AGBL4: variants seen among roughly 807,000 people sequenced by gnomAD.
AGBL4 encodes AGBL carboxypeptidase 4.
AGBL4 carries 58 observed loss-of-function variants against 66.4 expected under a neutral mutation model. That is an observed-to-expected ratio of 0.87 (90% CI 0.71 to 1.09). The LOEUF is 1.09. Ranked by LOEUF, AGBL4 falls within the 50% of genes least tolerant of loss-of-function variation. The pLI, the probability that AGBL4 is intolerant of heterozygous loss-of-function variation, is 0.00. For missense variants in AGBL4, 579 were observed against 631.0 expected (o/e 0.92, Z 0.88); for synonymous variants, 234 against 222.9 (o/e 1.05, Z -0.44).
intron 3 of AGBL4, among the ~76,000 whole-genome samples, chr1:49,280,952 A>G (rs187719306): frequency 6.6e-6 from 1 of 152,356 alleles, no homozygotes; most frequent in East Asian, 1.9e-4. Flanking sequence ...GTAAGAAAAT[A>G]GAATGGGAAA....
chr1:49,255,669 T>G (rs1339828531), intron 3 of AGBL4, among the ~76,000 whole-genome samples: 1 of 152,114 alleles, frequency 6.6e-6, no homozygotes, highest in Non-Finnish European at 1.5e-5. Flanking sequence ...TGGGTATATA[T>G]TCAAAGGAAT....
intron 5 of AGBL4, among the ~76,000 whole-genome samples, chr1:48,998,548 C>T (rs1244450591): frequency 1.3e-5 from 2 of 152,174 alleles, no homozygotes; most frequent in African/African-American, 4.8e-5. Context: ...AGGTGAAGTG[C>T]ACCATTTCAG....
chr1:49,757,942 G>C (rs1264311005), intron 2 of AGBL4, among the ~76,000 whole-genome samples: 1 of 152,140 alleles, frequency 6.6e-6, no homozygotes, highest in Non-Finnish European at 1.5e-5. Context: ...CGTCTCCAGG[G>C]CATGTCAGAG....
chr1:48,661,750 C>T (rs1037529728), intron 7 of AGBL4, among the ~76,000 whole-genome samples: 1 of 152,134 alleles, frequency 6.6e-6, no homozygotes, highest in African/African-American at 2.4e-5. Context: ...TTTGGGCTCC[C>T]AGAGATGAAC....
intron 8 of AGBL4, among the ~76,000 whole-genome samples, chr1:48,640,772 T>C (rs1645741915): frequency 6.6e-6 from 1 of 152,218 alleles, no homozygotes; most frequent in African/African-American, 2.4e-5. Flanking sequence ...CTGATCTTCC[T>C]ATCCTGTTCT....
At chr1:49,887,608 A>T (rs915829624) in intron 1 of AGBL4, among the ~76,000 whole-genome samples, 4 of 152,160 alleles carry the variant, frequency 2.6e-5, no homozygotes, top group Non-Finnish European at 5.9e-5. Context: ...GCTTTGTACA[A>T]TAGAAAGACC....
At chr1:49,041,019 T>C (rs759431454) in intron 5 of AGBL4, among the ~76,000 whole-genome samples, 1 of 152,110 alleles carries the variant, frequency 6.6e-6, no homozygotes, top group Non-Finnish European at 1.5e-5. Context: ...TTTAAATACA[T>C]GTTCAAAGGG....
chr1:49,143,284 C>G (rs1646153549), intron 4 of AGBL4, among the ~76,000 whole-genome samples: 1 of 152,166 alleles, frequency 6.6e-6, no homozygotes, highest in African/African-American at 2.4e-5. Flanking sequence ...GAATGGCCTT[C>G]CTGCTCCTGA....
At chr1:49,909,998 C>T (rs1162574500) in intron 1 of AGBL4, among the ~76,000 whole-genome samples, 1 of 152,060 alleles carries the variant, frequency 6.6e-6, no homozygotes, top group East Asian at 1.9e-4. Flanking sequence ...GAGTTTCATA[C>T]ACAAGTATGG....
At chr1:49,029,367 G>C (rs1227124241) in intron 5 of AGBL4, among the ~76,000 whole-genome samples, 1 of 152,054 alleles carries the variant, frequency 6.6e-6, no homozygotes, top group Non-Finnish European at 1.5e-5. Flanking sequence ...AAAGGTTGCA[G>C]AATGAAAATG....
intron 3 of AGBL4, among the ~76,000 whole-genome samples, chr1:49,469,182 T>C (rs543479210): frequency 6.6e-6 from 1 of 152,004 alleles, no homozygotes; most frequent in Admixed American, 6.6e-5. Context: ...CTTGCAAAAA[T>C]ACATATGTTA....
intron 6 of AGBL4, among the ~76,000 whole-genome samples, chr1:48,684,909 G>A (rs989413030): frequency 6.6e-6 from 1 of 152,202 alleles, no homozygotes; most frequent in Non-Finnish European, 1.5e-5. Context: ...GAAAGAAACA[G>A]GTAATCAGAG....
At chr1:49,705,833 T>C (rs1456823015) in intron 2 of AGBL4, among the ~76,000 whole-genome samples, 1 of 152,178 alleles carries the variant, frequency 6.6e-6, no homozygotes, top group African/African-American at 2.4e-5. Context: ...TCTGTTTATG[T>C]GATGGATTAT....
chr1:49,302,559 TTTTATTTTATTTTATTTTTA>T (rs925279709), intron 3 of AGBL4, among the ~76,000 whole-genome samples: 6 of 149,710 alleles, frequency 4.0e-5, no homozygotes, highest in African/African-American at 1.5e-4. Context: ...CCAGCCCACA[TTTTATTTTATTTTATTTTTA>T]TTTATTTTAT....
rs150428646 is a variant in AGBL4, at chr1:48,929,624, C to A, written c.595-62394G>T. On this transcript the variant is annotated intron_variant, in intron 5 of 13. Coordinates refer to ENST00000371839, the MANE Select transcript of AGBL4 (RefSeq NM_032785.4). ...TCTTAACTATAAACTCCATTGAAGG[C>A]AGAGATCATGTGTTTCCTCGTCACT... Among the ~76,000 whole-genome samples the A allele has an allele frequency of 2.2e-3, 328 of 152,236 alleles. 1 individual carries two copies. Among genetic ancestry groups the A allele is most frequent in the Non-Finnish European group, 3.2e-3 (221 of 68,006 alleles).
At chr1:49,832,411 C>G (rs61785463) in intron 2 of AGBL4, among the ~76,000 whole-genome samples, 2,699 of 147,068 alleles carry the variant, frequency 0.018, 23 homozygotes, top group Middle Eastern at 0.071. Flanking sequence ...GGACATTTGG[C>G]TTGGTTCCAA....
At chr1:49,082,728 C>A (rs568957506) in intron 4 of AGBL4, among the ~76,000 whole-genome samples, 4 of 152,292 alleles carry the variant, frequency 2.6e-5, no homozygotes, top group Admixed American at 1.3e-4. Context: ...CAAAACCAAT[C>A]ATGCCTTCCA....
Position 49,315,776 on chromosome 1 carries a change from T to C in AGBL4, c.283-69912A>G, listed in dbSNP as rs74520300. ...GATCCTTGGTATTTACCCAAATGAT[T>C]TGAAAGCTGATGTCCACACAAAAAT... is the stretch of plus-strand genomic sequence containing the variant. On this transcript the variant is annotated intron_variant, in intron 3 of 13. Coordinates refer to ENST00000371839, the MANE Select transcript of AGBL4 (RefSeq NM_032785.4). 3.3e-3 allele frequency among the ~76,000 whole-genome samples: 503 copies of C among 152,154 alleles called. 4 individuals carry two copies. Among genetic ancestry groups the C allele is most frequent in the Non-Finnish European group, 5.4e-3 (368 of 67,944 alleles).
intron 6 of AGBL4, among the ~76,000 whole-genome samples, chr1:48,804,208 C>G (rs1281227192): frequency 6.6e-6 from 1 of 152,146 alleles, no homozygotes; most frequent in Non-Finnish European, 1.5e-5. Context: ...AATTTTCCTG[C>G]CTGGTTTATC....
Sources: allele counts gnomAD v4.1 joint callset (sites outside exome capture counted in the v4.1 genomes callset), GRCh38; gene constraint gnomAD v4.1.1; transcripts MANE v1.5; gene names NCBI Gene and HGNC (gene_info 2026-07-23, HGNC 2026-07-21).